MAGI2: variants seen among roughly 807,000 people sequenced by gnomAD.
MAGI2 encodes the protein membrane-associated guanylate kinase, WW and PDZ domain-containing protein 2.
A neutral mutation model predicts 133.3 loss-of-function variants in MAGI2; 35 were observed. That is an observed-to-expected ratio of 0.26 (90% CI 0.20 to 0.35). The LOEUF (loss-of-function observed/expected upper bound fraction) is 0.35. MAGI2 is among the 10% of genes least tolerant of loss of function. The pLI, the probability that MAGI2 is intolerant of heterozygous loss-of-function variation, is 1.00. For synonymous variants in MAGI2, 729 were observed against 710.6 expected (o/e 1.03, Z -0.41); for missense variants, 1,636 against 1,863.4 (o/e 0.88, Z 2.25).
intron 1 of MAGI2, among the ~76,000 whole-genome samples, chr7:79,386,544 C>T (rs1177854552): frequency 6.6e-6 from 1 of 151,988 alleles, no homozygotes; most frequent in Non-Finnish European, 1.5e-5. Context: ...ACAGGTGGGG[C>T]TGATACTCAA....
chr7:78,699,111 G>C (rs1218106968), intron 2 of MAGI2, among the ~76,000 whole-genome samples: 1 of 152,148 alleles, frequency 6.6e-6, no homozygotes, highest in Non-Finnish European at 1.5e-5. Context: ...CACAAACTTT[G>C]CTGCTGTTGT....
At chr7:79,205,000 A>AT (rs892729808) in intron 1 of MAGI2, among the ~76,000 whole-genome samples, 2 of 151,904 alleles carry the variant, frequency 1.3e-5, no homozygotes, top group African/African-American at 2.4e-5. Context: ...AAAAGAGCAC[A>AT]TTTTTGAGTC....
intron 7 of MAGI2, among the ~76,000 whole-genome samples, chr7:78,351,580 T>C: frequency 6.6e-6 from 1 of 152,038 alleles, no homozygotes; most frequent in East Asian, 2.0e-4. Flanking sequence ...TGAATGAACC[T>C]AGTGTGGATT....
chr7:78,148,173 A>G (rs1289039108), intron 16 of MAGI2, among the ~76,000 whole-genome samples: 2 of 152,200 alleles, frequency 1.3e-5, no homozygotes, highest in African/African-American at 4.8e-5. Context: ...TAAGCAAACT[A>G]TGGTGCGTCT....
At chr7:79,164,252 G>T (rs1215459167) in intron 1 of MAGI2, among the ~76,000 whole-genome samples, 1 of 151,884 alleles carries the variant, frequency 6.6e-6, no homozygotes, top group Non-Finnish European at 1.5e-5. Flanking sequence ...TTCTCATCTG[G>T]CAGGTTTTAT....
At chr7:78,859,883 A>T (rs966444677) in intron 2 of MAGI2, among the ~76,000 whole-genome samples, 8 of 152,106 alleles carry the variant, frequency 5.3e-5, no homozygotes, top group African/African-American at 1.9e-4. Flanking sequence ...CACCAATCAG[A>T]CTTAGATTTG....
intron 9 of MAGI2, among the ~76,000 whole-genome samples, chr7:78,268,118 A>G (rs2150978558): frequency 6.6e-6 from 1 of 152,198 alleles, no homozygotes; most frequent in South Asian, 2.1e-4. Flanking sequence ...AAATAAGGTT[A>G]ACAACAGAGT....
chr7:78,486,833 TC>T, intron 6 of MAGI2: 1 of 466,196 alleles, frequency 2.1e-6, no homozygotes, highest in Non-Finnish European at 4.2e-6. Context: ...GTCCCTGAGC[TC>T]GACAGAAAGA....
intron 1 of MAGI2, among the ~76,000 whole-genome samples, chr7:79,248,732 A>G (rs185575407): frequency 2.6e-4 from 39 of 152,326 alleles, no homozygotes; most frequent in African/African-American, 8.2e-4. Context: ...GAAACTATAC[A>G]AACACATGGA....
chr7:78,702,941 T>C (rs796792222), intron 2 of MAGI2, among the ~76,000 whole-genome samples: 1 of 151,966 alleles, frequency 6.6e-6, no homozygotes, highest in South Asian at 2.1e-4. Flanking sequence ...TGTTGAGTCA[T>C]GGGTTAAAAG....
At chr7:79,197,116 A>G (rs1828156903) in intron 1 of MAGI2, among the ~76,000 whole-genome samples, 1 of 151,632 alleles carries the variant, frequency 6.6e-6, no homozygotes, top group South Asian at 2.1e-4. Context: ...GCCCTATCAC[A>G]TCTGATGGAT....
intron 1 of MAGI2, among the ~76,000 whole-genome samples, chr7:79,168,011 C>A (rs1020407647): frequency 6.6e-6 from 1 of 152,154 alleles, no homozygotes; most frequent in Non-Finnish European, 1.5e-5. Context: ...GTTCCTGCTG[C>A]AGATAACTAG....
chr7:78,547,336 T>C (rs1044718388), intron 3 of MAGI2, among the ~76,000 whole-genome samples: 1 of 152,236 alleles, frequency 6.6e-6, no homozygotes, highest in Non-Finnish European at 1.5e-5. Flanking sequence ...AAAAAGTGTT[T>C]ACAAGCAACA....
chr7:78,858,027 A>C (rs1165926467), intron 2 of MAGI2, among the ~76,000 whole-genome samples: 1 of 152,100 alleles, frequency 6.6e-6, no homozygotes, highest in Non-Finnish European at 1.5e-5. Flanking sequence ...TAGATTTTCT[A>C]GTTTATTTGC....
intron 1 of MAGI2, among the ~76,000 whole-genome samples, chr7:79,046,570 G>T (rs977252459): frequency 6.6e-6 from 1 of 151,982 alleles, no homozygotes; most frequent in Non-Finnish European, 1.5e-5. Flanking sequence ...ATATTCTAAG[G>T]ATAAGTTTTA....
At chr7:79,320,772 A>C (rs1839125604) in intron 1 of MAGI2, among the ~76,000 whole-genome samples, 1 of 152,062 alleles carries the variant, frequency 6.6e-6, no homozygotes. Flanking sequence ...CCATATGTTG[A>C]TGACTTCTTA....
At chr7:78,701,881 A>T (rs1818111221) in intron 2 of MAGI2, among the ~76,000 whole-genome samples, 2 of 152,114 alleles carry the variant, frequency 1.3e-5, no homozygotes, top group Non-Finnish European at 2.9e-5. Context: ...GAGGAGAACT[A>T]ACTTTTTGGA....
chr7:78,374,846 A>ATT (rs536175501), intron 6 of MAGI2, among the ~76,000 whole-genome samples: 8,063 of 148,726 alleles, frequency 0.054, 314 homozygotes, highest in South Asian at 0.097. Context: ...CATTGTGTTG[A>ATT]TTTTTTTTTT....
At chr7:78,766,865 A>T (rs1169103719) in intron 2 of MAGI2, among the ~76,000 whole-genome samples, 2 of 152,232 alleles carry the variant, frequency 1.3e-5, no homozygotes, top group Non-Finnish European at 2.9e-5. Context: ...GAAAAAAACT[A>T]ACCGTCCTAC....
Sources: gnomAD v4.1 joint callset for allele counts (sites outside exome capture counted in the v4.1 genomes callset) on GRCh38, gnomAD v4.1.1 for gene constraint, MANE v1.5 for transcripts, NCBI Gene and HGNC (gene_info 2026-07-23, HGNC 2026-07-21) for gene names.